Variants in PLEKHA7 observed in about 807,000 individuals in gnomAD.
PLEKHA7 encodes pleckstrin homology domain containing A7.
Under a neutral mutation model 170.0 loss-of-function variants are expected in PLEKHA7, and 104 were observed. That is an observed-to-expected ratio of 0.61 (90% confidence interval 0.52 to 0.72). The LOEUF (loss-of-function observed/expected upper bound fraction) is 0.72. PLEKHA7 is among the 30% of genes least tolerant of loss of function. The pLI, the probability that PLEKHA7 is intolerant of heterozygous loss-of-function variation, is 0.00. For synonymous variants in PLEKHA7, 648 were observed against 660.8 expected (o/e 0.98, Z 0.30); for missense variants, 1,615 against 1,671.7 (o/e 0.97, Z 0.59).
rs1362230880 is a variant in PLEKHA7, at chr11:16,786,103, C to T, written c.3516+126G>A. 47 of 1,156,126 alleles carry T rather than the reference C, an allele frequency of 4.1e-5. 1 individual carries two copies. The Middle Eastern group carries it at 7.0e-4, about 17-fold the overall frequency. 71.6% of individuals were successfully genotyped at this position (1,156,126 alleles called of 1,614,324 possible). Reference sequence around the variant, plus strand: ...CCTTAAGCTGCTATCCATCCATCCTCCTAGGCCACACTGAAGCTGAGCCAT... The same window carrying T: ...CCTTAAGCTGCTATCCATCCATCCTTCTAGGCCACACTGAAGCTGAGCCAT... On this transcript the variant is annotated intron_variant, in intron 24 of 26. Coordinates refer to ENST00000531066, the MANE Select transcript of PLEKHA7 (RefSeq NM_001329630.2).
In PLEKHA7 at chr11:16,817,705, A is replaced by G. The variant is rs1849880677; in HGVS notation, c.1344-383T>C. On this transcript the variant is annotated intron_variant, in intron 10 of 26. Coordinates refer to ENST00000531066, the MANE Select transcript of PLEKHA7 (RefSeq NM_001329630.2). The surrounding 1 kb of genome is among the most constrained non-coding windows in gnomAD (Gnocchi z 4.4). ...GATTTTCTCTCTGCCTGGTATCCTT[A>G]GCACCAAGTTCCAGAGGTTCATAAA... Among the ~76,000 whole-genome samples, 1 of 152,198 alleles carries G rather than the reference A, an allele frequency of 6.6e-6. No individual in the cohort carries two copies. The highest frequency in any genetic ancestry group is 2.4e-5 in the African/African-American group (1 of 41,454).
At chr11:16,916,402 C>T (rs1265483462) in intron 3 of PLEKHA7, among the ~76,000 whole-genome samples, 2 of 152,172 alleles carry the variant, frequency 1.3e-5, no homozygotes, top group African/African-American at 4.8e-5. Context: ...TGGGCTCTGA[C>T]ACCTAAAGAC....
intron 13 of PLEKHA7, among the ~76,000 whole-genome samples, chr11:16,806,742 G>C (rs141023178): frequency 3.9e-5 from 6 of 152,174 alleles, no homozygotes; most frequent in African/African-American, 9.7e-5. Context: ...CTTAATCTCA[G>C]GGCCACCGTG....
At chr11:16,976,630 T>G (rs566362031) in intron 3 of PLEKHA7, among the ~76,000 whole-genome samples, 10 of 152,316 alleles carry the variant, frequency 6.6e-5, no homozygotes, top group African/African-American at 2.4e-4. Context: ...TCCCCAGCCC[T>G]CTAGGCAAGA....
At chr11:16,902,154 CTTG>C (rs1323590958) in intron 3 of PLEKHA7, among the ~76,000 whole-genome samples, 1 of 152,184 alleles carries the variant, frequency 6.6e-6, no homozygotes, top group Non-Finnish European at 1.5e-5. Flanking sequence ...TTGTTGCGTT[CTTG>C]TTGTAGCATG....
chr11:16,939,858 T>C (rs1860560580), intron 3 of PLEKHA7, among the ~76,000 whole-genome samples: 1 of 152,114 alleles, frequency 6.6e-6, no homozygotes, highest in African/African-American at 2.4e-5. Flanking sequence ...ATAGAAAATG[T>C]GTGTGGGGTG....
At chr11:16,952,286 G>C (rs1861451911) in intron 3 of PLEKHA7, among the ~76,000 whole-genome samples, 1 of 152,182 alleles carries the variant, frequency 6.6e-6, no homozygotes, top group African/African-American at 2.4e-5. Flanking sequence ...AAGGAAGTGA[G>C]AGGGGAAAGG....
chr11:16,858,937 T>TCAGTGAGGGG (rs532378646), intron 4 of PLEKHA7, among the ~76,000 whole-genome samples: 2 of 152,268 alleles, frequency 1.3e-5, no homozygotes, highest in East Asian at 3.9e-4. Flanking sequence ...TGGCTGGACA[T>TCAGTGAGGGG]CAGTGAGGGG....
chr11:16,895,903 A>G (rs1456443269), intron 3 of PLEKHA7, among the ~76,000 whole-genome samples: 1 of 152,206 alleles, frequency 6.6e-6, no homozygotes, highest in Non-Finnish European at 1.5e-5. Context: ...TGATTAAGAG[A>G]GAAACTTGTA....
At chr11:16,796,182 C>A (rs546246517) in intron 17 of PLEKHA7, among the ~76,000 whole-genome samples, 2 of 152,098 alleles carry the variant, frequency 1.3e-5, no homozygotes, top group Non-Finnish European at 2.9e-5. Context: ...TTTTGAAAGG[C>A]ACTGTCCTAT....
chr11:16,874,915 T>C (rs372217132), intron 3 of PLEKHA7, among the ~76,000 whole-genome samples: 2 of 152,226 alleles, frequency 1.3e-5, no homozygotes, highest in East Asian at 3.8e-4. Context: ...ACAATCTTAA[T>C]AGCAACTCCT....
At chr11:16,990,997 T>C (rs1226364591) in intron 3 of PLEKHA7, among the ~76,000 whole-genome samples, 1 of 152,038 alleles carries the variant, frequency 6.6e-6, no homozygotes, top group African/African-American at 2.4e-5. Flanking sequence ...TGTGGGCAGA[T>C]GAGATAGAAA....
At chr11:16,904,483 G>A (rs1857529098) in intron 3 of PLEKHA7, among the ~76,000 whole-genome samples, 1 of 152,150 alleles carries the variant, frequency 6.6e-6, no homozygotes, top group Non-Finnish European at 1.5e-5. Flanking sequence ...AGATCTTTGT[G>A]TTAAATGAAA....
At chr11:16,980,379 G>C (rs930329199) in intron 3 of PLEKHA7, among the ~76,000 whole-genome samples, 2 of 152,212 alleles carry the variant, frequency 1.3e-5, no homozygotes, top group African/African-American at 4.8e-5. Context: ...CCCACAGAGA[G>C]AGCCTGGCAA....
At chr11:16,988,877 G>T (rs1382632153) in intron 3 of PLEKHA7, among the ~76,000 whole-genome samples, 3 of 152,216 alleles carry the variant, frequency 2.0e-5, no homozygotes, top group Admixed American at 6.5e-5. Flanking sequence ...TCTTCTATGT[G>T]GCAGCCCTTC....
chr11:17,001,822 G>T (rs1864681232), intron 3 of PLEKHA7, among the ~76,000 whole-genome samples: 1 of 152,026 alleles, frequency 6.6e-6, no homozygotes, highest in Non-Finnish European at 1.5e-5. Flanking sequence ...GAGGTAGCCA[G>T]CAGCCCCAGG....
chr11:16,838,128 G>A (rs1851661909), intron 9 of PLEKHA7, among the ~76,000 whole-genome samples: 1 of 152,164 alleles, frequency 6.6e-6, no homozygotes, highest in African/African-American at 2.4e-5. Flanking sequence ...AGAGCACACA[G>A]GAAAGGAGGC....
intron 3 of PLEKHA7, among the ~76,000 whole-genome samples, chr11:16,891,620 C>G (rs796426243): frequency 3.3e-5 from 5 of 152,306 alleles, no homozygotes; most frequent in African/African-American, 1.2e-4. Context: ...AAAGCTATCA[C>G]AAGGGCCACT....
chr11:16,908,793 G>A (rs542513619), intron 3 of PLEKHA7, among the ~76,000 whole-genome samples: 16 of 152,220 alleles, frequency 1.1e-4, no homozygotes, highest in Non-Finnish European at 2.1e-4. Context: ...ACCGCGCCCA[G>A]CCAAGAAAAT....
Sources: allele counts gnomAD v4.1 joint callset (sites outside exome capture counted in the v4.1 genomes callset), GRCh38; gene constraint gnomAD v4.1.1; non-coding constraint Gnocchi (gnomAD v3.1); transcripts MANE v1.5; gene names NCBI Gene and HGNC (gene_info 2026-07-23, HGNC 2026-07-21).